DGKI: variants seen among roughly 807,000 people sequenced by gnomAD.
DGKI encodes diacylglycerol kinase iota, also known as DAG kinase iota.
In DGKI, 55 loss-of-function variants were observed where a neutral mutation model predicts 147.5. That is an observed-to-expected ratio of 0.37 (90% CI 0.30 to 0.47). The LOEUF (loss-of-function observed/expected upper bound fraction) is 0.47. Ranked by LOEUF, DGKI falls within the 20% of genes least tolerant of loss-of-function variation. DGKI has a pLI of 1.00. For missense variants in DGKI, 1,007 were observed against 1,323.8 expected (o/e 0.76, Z 3.71); for synonymous variants, 469 against 477.1 (o/e 0.98, Z 0.22).
At chr7:137,571,140 A>T in intron 19 of DGKI, 35 bp downstream of exon 19, 1 of 1,461,314 alleles carries the variant, frequency 6.8e-7, no homozygotes, top group Non-Finnish European at 9.4e-7. Flanking sequence ...TGACTAAAAT[A>T]CATTTCATTT....
chr7:137,711,447 C>T (rs566127970), intron 1 of DGKI, among the ~76,000 whole-genome samples: 1 of 152,062 alleles, frequency 6.6e-6, no homozygotes, highest in Admixed American at 6.5e-5. Flanking sequence ...TTGCATAGAA[C>T]AAAACATATG....
chr7:137,756,688 AG>A (rs1795693801), intron 1 of DGKI, among the ~76,000 whole-genome samples: 1 of 152,232 alleles, frequency 6.6e-6, no homozygotes, highest in Non-Finnish European at 1.5e-5. Context: ...ACGATCTAAA[AG>A]ACTAAGTATT....
intron 1 of DGKI, among the ~76,000 whole-genome samples, chr7:137,785,410 T>C (rs1796638376): frequency 6.6e-6 from 1 of 151,868 alleles, no homozygotes; most frequent in Admixed American, 6.6e-5. Context: ...ACAACCCTCC[T>C]AGATTAAACC....
intron 1 of DGKI, among the ~76,000 whole-genome samples, chr7:137,729,100 A>G (rs1794795861): frequency 6.8e-6 from 1 of 147,838 alleles, no homozygotes; most frequent in South Asian, 2.1e-4. Flanking sequence ...AGGAATTAGA[A>G]TCATTGAGAA....
In DGKI at chr7:137,754,313, G is replaced by A. The variant is rs531346716; in HGVS notation, c.402-64311C>T. Among the ~76,000 whole-genome samples, 36 of 152,244 alleles carry A rather than the reference G, an allele frequency of 2.4e-4. No individual in the cohort carries two copies. In the East Asian group the frequency reaches 6.4e-3, roughly 27 times the overall value. The stretch of plus-strand genomic sequence containing the variant: ...GGAGGTCCTTGTGTCCTCCCCTCCT[G>A]TGGCTTAAGAGAATAACAAAAATGA... On this transcript the variant is annotated intron_variant, in intron 1 of 32. Transcript: ENST00000614521.
intron 1 of DGKI, among the ~76,000 whole-genome samples, chr7:137,828,610 G>C (rs776128808): frequency 1.1e-4 from 17 of 152,162 alleles, no homozygotes; most frequent in Non-Finnish European, 1.9e-4. Context: ...CCCTTCAGCA[G>C]AGAATGCACA....
At chr7:137,582,919 C>T (rs983101471) in intron 14 of DGKI, among the ~76,000 whole-genome samples, 4 of 152,184 alleles carry the variant, frequency 2.6e-5, no homozygotes, top group Admixed American at 6.6e-5. Context: ...GCTAATTATC[C>T]GGTTTGTGTC....
At position 137,767,598 on chromosome 7, in the gene DGKI, A is replaced by AAG. The variant is rs1293797145; in HGVS notation, c.402-77598_402-77597dup. Reference sequence around the variant, plus strand: ...GGAGAAGGAGAAGAGAAGAGAAGAGAAGGAGAAGAGATAATAATATACATG... The same window carrying AAG: ...GGAGAAGGAGAAGAGAAGAGAAGAGAAGAGGAGAAGAGATAATAATATACATG... On this transcript the variant is annotated intron_variant, in intron 1 of 32. Coordinates refer to ENST00000614521, the MANE Select transcript of DGKI (RefSeq NM_001321708.2). Among the ~76,000 whole-genome samples the AAG allele has an allele frequency of 5.8e-4, 84 of 144,936 alleles. 1 individual carries two copies. The highest frequency in any genetic ancestry group is 3.5e-3 in the Middle Eastern group (1 of 286).
chr7:137,685,628 C>T (rs958386461), intron 2 of DGKI, among the ~76,000 whole-genome samples: 2 of 152,206 alleles, frequency 1.3e-5, no homozygotes, highest in Non-Finnish European at 2.9e-5. Flanking sequence ...TTAGGCATTA[C>T]TTCCTTCCTT....
intron 3 of DGKI, among the ~76,000 whole-genome samples, chr7:137,669,294 A>G (rs1822758389): frequency 6.6e-6 from 1 of 152,220 alleles, no homozygotes; most frequent in South Asian, 2.1e-4. Flanking sequence ...TAACAAACAG[A>G]GACAATACCA....
intron 6 of DGKI, among the ~76,000 whole-genome samples, chr7:137,625,085 A>G (rs144731783): frequency 1.1e-4 from 16 of 152,334 alleles, no homozygotes; most frequent in Admixed American, 7.8e-4. Flanking sequence ...GTATCCATCA[A>G]TACCTCCTTC....
chr7:137,778,376 GAAA>G (rs1796421504), intron 1 of DGKI, among the ~76,000 whole-genome samples: 1 of 152,158 alleles, frequency 6.6e-6, no homozygotes, highest in Non-Finnish European at 1.5e-5. Flanking sequence ...AGGAAGATAA[GAAA>G]GCAGAGAGAA....
intron 1 of DGKI, among the ~76,000 whole-genome samples, chr7:137,828,747 G>A (rs976358453): frequency 6.6e-6 from 1 of 152,138 alleles, no homozygotes; most frequent in African/African-American, 2.4e-5. Context: ...TCTTTTCACA[G>A]CTTCCTAAGG....
intron 1 of DGKI, among the ~76,000 whole-genome samples, chr7:137,761,312 T>A (rs970018373): frequency 1.3e-5 from 2 of 152,214 alleles, no homozygotes; most frequent in Non-Finnish European, 2.9e-5. Flanking sequence ...TCATTTATGT[T>A]CAAATCTTGG....
intron 8 of DGKI, among the ~76,000 whole-genome samples, chr7:137,618,127 CTATA>C (rs1164221520): frequency 4.3e-4 from 7 of 16,194 alleles, no homozygotes; most frequent in African/African-American, 5.2e-4. Flanking sequence ...TTCTAAAATA[CTATA>C]TATATATATA....
At chr7:137,773,527 G>C (rs1293407766) in intron 1 of DGKI, among the ~76,000 whole-genome samples, 2 of 152,168 alleles carry the variant, frequency 1.3e-5, no homozygotes, top group African/African-American at 4.8e-5. Flanking sequence ...GGAATTGAGA[G>C]ACAAGATGTT....
At chr7:137,739,208 G>A (rs1795108130) in intron 1 of DGKI, among the ~76,000 whole-genome samples, 1 of 152,052 alleles carries the variant, frequency 6.6e-6, no homozygotes, top group African/African-American at 2.4e-5. Context: ...TTTGCACCAA[G>A]TAACCTCAGC....
chr7:137,550,950 A>G (rs1474595935), intron 20 of DGKI, among the ~76,000 whole-genome samples: 6 of 152,154 alleles, frequency 3.9e-5, no homozygotes, highest in Non-Finnish European at 8.8e-5. Flanking sequence ...AACCATATAC[A>G]ACCACTGGCA....
At chr7:137,456,036 G>A (rs556717167) in intron 27 of DGKI, among the ~76,000 whole-genome samples, 13 of 152,142 alleles carry the variant, frequency 8.5e-5, no homozygotes, top group South Asian at 2.1e-4. Flanking sequence ...GAATGCAGCC[G>A]GGGACCAACA....
Sources: allele counts gnomAD v4.1 joint callset (sites outside exome capture counted in the v4.1 genomes callset), GRCh38; gene constraint gnomAD v4.1.1; transcripts MANE v1.5; gene names NCBI Gene and HGNC (gene_info 2026-07-23, HGNC 2026-07-21).